The following TMEM232 variants were observed in gnomAD, a reference collection of about 807,000 sequenced individuals.
TMEM232 encodes the protein transmembrane protein 232.
In TMEM232, 80 loss-of-function variants were observed where a neutral mutation model predicts 78.8. The observed-to-expected ratio is 1.01, with a 90% CI of 0.85 to 1.22. TMEM232 has a LOEUF of 1.22. Ranked by LOEUF, TMEM232 falls within the 50% of genes most tolerant of loss-of-function variation. The pLI, the probability that TMEM232 is intolerant of heterozygous loss-of-function variation, is 0.00. For synonymous variants in TMEM232, 297 were observed against 254.3 expected, an observed-to-expected ratio of 1.17 and a Z score of -1.60; for missense variants, 881 against 742.2, an observed-to-expected ratio of 1.19 and a Z score of -2.17.
At chr5:110,691,326 T>A (rs1320034596) in intron 1 of TMEM232, among the ~76,000 whole-genome samples, 2 of 152,206 alleles carry the variant, frequency 1.3e-5, no homozygotes, top group Admixed American at 1.3e-4. Flanking sequence ...CATACTTAGT[T>A]AAATATTTCA....
chr5:110,572,770 C>A (rs1777104720), intron 10 of TMEM232, among the ~76,000 whole-genome samples: 1 of 152,006 alleles, frequency 6.6e-6, no homozygotes, highest in Admixed American at 6.6e-5. Flanking sequence ...ATAATATTCA[C>A]AGGGAGAATC....
chr5:110,667,397 A>ATTT, intron 1 of TMEM232, 33 bp from the exon 2 acceptor site: 2 of 1,437,816 alleles, frequency 1.4e-6, no homozygotes, highest in Non-Finnish European at 1.8e-6. Flanking sequence ...GTTAGCATAC[A>ATTT]AATGCACTCA....
At chr5:110,667,503 A>G in intron 1 of TMEM232, 139 bp from the exon 2 acceptor site, 2 of 599,854 alleles carry the variant, frequency 3.3e-6, no homozygotes, top group South Asian at 6.9e-5. Flanking sequence ...TTAAGGAAGA[A>G]TTTAAATAAA....
intron 1 of TMEM232, among the ~76,000 whole-genome samples, chr5:110,679,391 A>T (rs1483773143): frequency 1.3e-5 from 2 of 151,508 alleles, no homozygotes; most frequent in African/African-American, 4.9e-5. Context: ...TTTCTTTTCG[A>T]GTTTCTAAGA....
chr5:110,473,459 A>T (rs1207419059), intron 12 of TMEM232, among the ~76,000 whole-genome samples: 2 of 151,872 alleles, frequency 1.3e-5, no homozygotes, highest in African/African-American at 4.8e-5. Flanking sequence ...AAGAAAAGGG[A>T]ACCCTTATGC....
At chr5:110,565,120 A>T (rs1455094806) in intron 11 of TMEM232, among the ~76,000 whole-genome samples, 1 of 151,954 alleles carries the variant, frequency 6.6e-6, no homozygotes, top group East Asian at 1.9e-4. Context: ...TTTGCTGTTG[A>T]ATTTTTTCTA....
chr5:110,695,747 A>G (rs1794696022), intron 1 of TMEM232, among the ~76,000 whole-genome samples: 1 of 152,196 alleles, frequency 6.6e-6, no homozygotes, highest in East Asian at 1.9e-4. Flanking sequence ...CAAAAACTAA[A>G]CCAGCAAGAA....
intron 3 of TMEM232, among the ~76,000 whole-genome samples, chr5:110,395,733 G>A (rs1302914700): frequency 1.3e-5 from 2 of 152,144 alleles, no homozygotes; most frequent in Non-Finnish European, 2.9e-5. Flanking sequence ...GTGACAAGTT[G>A]AAATCAAGAA....
At chr5:110,555,040 T>C (rs1454825155) in intron 11 of TMEM232, among the ~76,000 whole-genome samples, 1 of 152,172 alleles carries the variant, frequency 6.6e-6, no homozygotes, top group Non-Finnish European at 1.5e-5. Context: ...ATTTTGGTTA[T>C]TTTCTTCTAC....
intron 12 of TMEM232, among the ~76,000 whole-genome samples, chr5:110,478,652 T>C (rs1763522344): frequency 6.6e-6 from 1 of 151,880 alleles, no homozygotes; most frequent in South Asian, 2.1e-4. Context: ...AAAATTCATT[T>C]ATGGGCATTG....
intron 8 of TMEM232, among the ~76,000 whole-genome samples, chr5:110,606,667 T>C (rs1781580250): frequency 6.6e-6 from 1 of 151,602 alleles, no homozygotes; most frequent in South Asian, 2.1e-4. Context: ...TTCAAGAGAG[T>C]GTTTTCTTCT....
At chr5:110,672,527 G>C (rs1441295322) in intron 1 of TMEM232, among the ~76,000 whole-genome samples, 1 of 151,960 alleles carries the variant, frequency 6.6e-6, no homozygotes, top group Non-Finnish European at 1.5e-5. Flanking sequence ...TTTTGACTAA[G>C]AGTAATGGGA....
At chr5:110,526,774 T>C (rs1770660920) in intron 12 of TMEM232, among the ~76,000 whole-genome samples, 1 of 151,976 alleles carries the variant, frequency 6.6e-6, no homozygotes, top group Admixed American at 6.5e-5. Context: ...GCATTGTGTC[T>C]AGTACACAAG....
chr5:110,737,019 A>C (rs920130759), intron 1 of TMEM232, among the ~76,000 whole-genome samples: 1 of 136,352 alleles, frequency 7.3e-6, no homozygotes, highest in East Asian at 2.2e-4. Flanking sequence ...AAAAAAAAAA[A>C]GCTTCCTTTA....
chr5:110,720,069 T>G lies in TMEM232; in HGVS notation c.-13+6558A>C, dbSNP rs565190645. On this transcript the variant is annotated intron_variant, in intron 1 of 13. Coordinates refer to ENST00000455884, the MANE Select transcript of TMEM232 (RefSeq NM_001039763.4). ...AAGAAATTATTTTCAAGAGCAGCAT[T>G]AGGCTTGAACCTTATGTTTCAAATA... 4.6e-5 allele frequency among the ~76,000 whole-genome samples: 7 copies of G among 152,234 alleles called. No individual in the cohort carries two copies. The South Asian group carries it at 1.5e-3, about 32-fold the overall frequency.
In TMEM232 at chr5:110,607,712, A is replaced by G. The variant is rs892649166; in HGVS notation, c.903-1425T>C. Among the ~76,000 whole-genome samples the G allele has an allele frequency of 2.0e-5, 3 of 152,034 alleles. No individual in the cohort carries two copies. In the South Asian group the frequency reaches 6.2e-4, roughly 31 times the overall value. The stretch of plus-strand genomic sequence containing the variant: ...CAGTGCAGATTGGTTAATGAGCTAG[A>G]AAAGGAAGCATATTATGAAGACTTC... On this transcript the variant is annotated intron_variant, in intron 8 of 13. Transcript: ENST00000455884.
intron 8 of TMEM232, among the ~76,000 whole-genome samples, chr5:110,617,385 A>C (rs1369360097): frequency 1.0e-5 from 1 of 99,262 alleles, no homozygotes; most frequent in Admixed American, 9.8e-5. Flanking sequence ...GGTAAAAAAA[A>C]TATATTTTGA....
Position 110,472,658 on chromosome 5 carries a change from A to G in TMEM232, c.1704-47742T>C, listed in dbSNP as rs532972996. Among the ~76,000 whole-genome samples the G allele has an allele frequency of 2.0e-5, 3 of 152,148 alleles. No homozygotes were observed. The East Asian group carries it at 5.8e-4, about 29-fold the overall frequency. ...ACAACACAGCTGAAGGCATCTCACT[A>G]CCTAACTTCAAAATATACTACAAAG... On this transcript the variant is annotated intron_variant, in intron 12 of 13. Coordinates refer to ENST00000455884, the MANE Select transcript of TMEM232 (RefSeq NM_001039763.4).
At chr5:110,662,267 A>G (rs1276630135) in intron 2 of TMEM232, among the ~76,000 whole-genome samples, 1 of 152,170 alleles carries the variant, frequency 6.6e-6, no homozygotes, top group East Asian at 1.9e-4. Context: ...ATAGAAATAA[A>G]TCTAACAATG....
Sources: gnomAD v4.1 joint callset for allele counts (sites outside exome capture counted in the v4.1 genomes callset) on GRCh38, gnomAD v4.1.1 for gene constraint, MANE v1.5 for transcripts, NCBI Gene and HGNC (gene_info 2026-07-23, HGNC 2026-07-21) for gene names.